Variants in GNPAT observed in about 807,000 individuals in gnomAD.
GNPAT encodes the protein glyceronephosphate O-acyltransferase, also known as dihydroxyacetone phosphate acyltransferase.
A neutral mutation model predicts 78.4 loss-of-function variants in GNPAT; 30 were observed. The observed-to-expected ratio is 0.38, with a 90% CI of 0.29 to 0.52. GNPAT has a LOEUF of 0.52. Ranked by LOEUF, GNPAT falls within the 20% of genes least tolerant of loss-of-function variation. The probability of loss-of-function intolerance (pLI) is 0.84; values close to 1 mark genes in which losing one functional copy is unlikely to be tolerated. For synonymous variants in GNPAT, 271 were observed against 281.1 expected, an observed-to-expected ratio of 0.96 and a Z score of 0.36; for missense variants, 714 against 812.2, an observed-to-expected ratio of 0.88 and a Z score of 1.47.
In GNPAT at chr1:231,266,269, AC is replaced by A; in HGVS notation, c.925-7del. 6.2e-7 allele frequency: 1 copy of A among 1,613,970 alleles called. No homozygotes were observed. Among genetic ancestry groups the A allele is most frequent in the Non-Finnish European group, 8.5e-7 (1 of 1,179,870 alleles). On this transcript the variant is annotated splice_polypyrimidine_tract_variant and splice_region_variant and intron_variant, in intron 7 of 15. Coordinates refer to ENST00000366647, the MANE Select transcript of GNPAT (RefSeq NM_014236.4). ...CGTTTTCTTCCCCCCCTGTTATGGT[AC>A]TATTAGGGGTTGCTGAAAGCCAGAA...
chr1:231,272,612 GTC>G (rs1371909728), intron 11 of GNPAT, among the ~76,000 whole-genome samples: 1 of 152,072 alleles, frequency 6.6e-6, no homozygotes, highest in Non-Finnish European at 1.5e-5. Context: ...TGAGAGGAGA[GTC>G]ATTCTTTGAA....
chr1:231,273,658 C>T (rs1685629616), intron 11 of GNPAT, among the ~76,000 whole-genome samples: 1 of 152,054 alleles, frequency 6.6e-6, no homozygotes, highest in Non-Finnish European at 1.5e-5. Flanking sequence ...AATCCATCAC[C>T]CAGGTTGTGA....
chr1:231,246,505 TAAGA>T (rs1289557622), intron 1 of GNPAT, among the ~76,000 whole-genome samples: 1 of 152,180 alleles, frequency 6.6e-6, no homozygotes, highest in African/African-American at 2.4e-5. Flanking sequence ...AAGGGAGGTA[TAAGA>T]AAGGCCTATT....
In GNPAT at chr1:231,262,753, G is replaced by T; in HGVS notation, c.469G>T (p.Val157Phe). ...LQRAIQEHPV[V>F]LLPSHRSYID... ...AAGAGCCATCCAGGAGCATCCTGTT[G>T]TTCTGCTGCCTAGTCATCGAAGTTA... Residue 157 changes from valine to phenylalanine, a missense_variant, in exon 4 of 16, where the codon GTT (valine) becomes TTT (phenylalanine). Coordinates refer to ENST00000366647, the MANE Select transcript of GNPAT (RefSeq NM_014236.4). 4 of 1,609,176 alleles carry T rather than the reference G, an allele frequency of 2.5e-6. No homozygotes were observed. Among genetic ancestry groups the T allele is most frequent in the Non-Finnish European group, 3.4e-6 (4 of 1,175,528 alleles).
chr1:231,262,433 A>G (rs1226324138), intron 3 of GNPAT, among the ~76,000 whole-genome samples: 1 of 152,254 alleles, frequency 6.6e-6, no homozygotes, highest in East Asian at 1.9e-4. Flanking sequence ...AACTGTATAT[A>G]AAATGATGCT....
chr1:231,266,879 G>A (rs1685404390), intron 8 of GNPAT, among the ~76,000 whole-genome samples: 2 of 152,208 alleles, frequency 1.3e-5, no homozygotes, highest in Admixed American at 1.3e-4. Context: ...AAAGAACACA[G>A]ATACACATTT....
chr1:231,270,958 T>C lies in GNPAT; in HGVS notation c.1480T>C (p.Leu494=). The C allele has an allele frequency of 6.2e-7, 1 of 1,614,080 alleles. No individual in the cohort carries two copies. The highest frequency in any genetic ancestry group is 1.3e-5 in the African/African-American group (1 of 75,046). ...QLLNIFVRPS[L]VAVALQMTPG... Reference sequence around the variant, plus strand: ...GCTCAACATTTTTGTGCGCCCATCCTTAGTAGCAGTAGCATTGCAGATGAC... The same window carrying C: ...GCTCAACATTTTTGTGCGCCCATCCCTAGTAGCAGTAGCATTGCAGATGAC... Residue 494 remains leucine (L), a synonymous_variant, in exon 10 of 16, where the codon TTA becomes CTA. Coordinates refer to ENST00000366647, the MANE Select transcript of GNPAT (RefSeq NM_014236.4).
rs749596302 is a variant in GNPAT, at chr1:231,270,831, C to T, written c.1353C>T (p.Asp451=). The change falls in exon 10 of 16, where the codon GAC becomes GAT. Residue 451 remains aspartate, a synonymous_variant. Transcript: ENST00000366647. ...LHSNIASLVK[D]QVILKVDSGD... ...CCAACATTGCCAGCCTTGTCAAAGA[C>T]CAGGTGATTCTGAAAGTGGACTCCG... The T allele has an allele frequency of 1.9e-6, 3 of 1,614,022 alleles. No homozygotes were observed. The South Asian group carries it at 3.3e-5, about 18-fold the overall frequency.
At chr1:231,276,245 T>A in intron 15 of GNPAT, 49 bp downstream of exon 15, 1 of 902,474 alleles carries the variant, frequency 1.1e-6, no homozygotes, top group Non-Finnish European at 1.8e-6. Context: ...GTTGATGAAT[T>A]AAAATAAGAA....
rs1369256964 is a variant in GNPAT, at chr1:231,270,906, C to T, written c.1428C>T (p.Leu476=). Residue 476 remains leucine (L), a synonymous_variant, in exon 10 of 16, where the codon CTC becomes CTT. Coordinates refer to ENST00000366647, the MANE Select transcript of GNPAT (RefSeq NM_014236.4). ...TTATGCTCCAGCACATCACTCTCCT[C>T]ATGTGCTCAGCTTATAGGAACCAGC... ...DGLMLQHITL[L]MCSAYRNQLL... is the part of the protein sequence containing the mutation. The T allele has an allele frequency of 2.0e-5, 33 of 1,613,794 alleles. No individual in the cohort carries two copies. Among genetic ancestry groups the T allele is most frequent in the African/African-American group, 2.7e-5 (2 of 74,938 alleles).
chr1:231,255,897 C>T (rs896133505), intron 2 of GNPAT, among the ~76,000 whole-genome samples: 1 of 152,168 alleles, frequency 6.6e-6, no homozygotes, highest in South Asian at 2.1e-4. Flanking sequence ...CTGTAATAGT[C>T]GTTGGCTCTT....
intron 2 of GNPAT, among the ~76,000 whole-genome samples, chr1:231,258,818 T>C (rs1195055983): frequency 6.6e-6 from 1 of 151,308 alleles, no homozygotes; most frequent in Non-Finnish European, 1.5e-5. Context: ...TTCTATTCTT[T>C]AGTAGAGACG....
intron 1 of GNPAT, among the ~76,000 whole-genome samples, chr1:231,241,886 T>C (rs1251808198): frequency 6.6e-6 from 1 of 152,244 alleles, no homozygotes; most frequent in Non-Finnish European, 1.5e-5. Context: ...TATGCTGCTG[T>C]TATATTCCTG....
At chr1:231,252,642 T>A (rs1415895390) in intron 2 of GNPAT, among the ~76,000 whole-genome samples, 4 of 152,102 alleles carry the variant, frequency 2.6e-5, no homozygotes, top group Admixed American at 1.3e-4. Flanking sequence ...ATGCCCTCAT[T>A]TTTTTCCTGG....
At chr1:231,248,710 TAGTC>T (rs754898614) in intron 1 of GNPAT, among the ~76,000 whole-genome samples, 73 of 152,328 alleles carry the variant, frequency 4.8e-4, no homozygotes, top group Non-Finnish European at 6.6e-4. Flanking sequence ...AACAACGTTT[TAGTC>T]AGTATATGAT....
Position 231,266,086 on chromosome 1 carries a change from T to G in GNPAT, c.845T>G (p.Ile282Ser). The G allele has an allele frequency of 6.2e-7, 1 of 1,611,340 alleles. No individual in the cohort carries two copies. Among genetic ancestry groups the G allele is most frequent in the East Asian group, 2.2e-5 (1 of 44,860 alleles). The change falls in exon 7 of 16, where the codon ATC (isoleucine) becomes AGC (serine). Residue 282 changes from isoleucine (I) to serine (S), a missense_variant. By Grantham distance (142) the Ile-to-Ser change is moderately radical (BLOSUM62 -2). Transcript: ENST00000366647. ...VFDTYLVPIS[I>S]SYDKILEETL... is the part of the protein sequence containing the mutation. ...GATACCTACCTTGTCCCAATTAGTA[T>G]CAGTTATGATAAGATCTTGGAAGAA...
At chr1:231,268,945 C>T (rs73116337) in intron 9 of GNPAT, among the ~76,000 whole-genome samples, 1,733 of 151,454 alleles carry the variant, frequency 0.011, 32 homozygotes, top group African/African-American at 0.04. Flanking sequence ...GTTGGAAATG[C>T]GTTTTTTTTT....
intron 11 of GNPAT, among the ~76,000 whole-genome samples, chr1:231,272,825 T>C (rs753423963): frequency 1.3e-5 from 2 of 152,000 alleles, no homozygotes; most frequent in Non-Finnish European, 2.9e-5. Context: ...AAAAATTAGC[T>C]GGGCGTGGTG....
chr1:231,243,951 C>A (rs1234848982), intron 1 of GNPAT, among the ~76,000 whole-genome samples: 2 of 151,814 alleles, frequency 1.3e-5, no homozygotes, highest in Non-Finnish European at 2.9e-5. Flanking sequence ...CTCTGTCACC[C>A]AGGCTGGAGT....
Sources: gnomAD v4.1 joint callset for allele counts (sites outside exome capture counted in the v4.1 genomes callset) on GRCh38, gnomAD v4.1.1 for gene constraint, MANE v1.5 for transcripts, NCBI Gene and HGNC (gene_info 2026-07-23, HGNC 2026-07-21) for gene names.